The following CDH13 variants were observed in gnomAD, a reference collection of about 807,000 sequenced individuals.
CDH13 encodes the protein cadherin 13, also known as cadherin-13.
In CDH13, 24 loss-of-function variants were observed where a neutral mutation model predicts 63.8. The ratio of observed to expected loss-of-function variants is 0.38; its 90% CI spans 0.27 to 0.53. The LOEUF (loss-of-function observed/expected upper bound fraction) is 0.53. Ranked by LOEUF, CDH13 falls within the 20% of genes least tolerant of loss-of-function variation. The pLI is 0.85. For missense variants in CDH13, 1,049 were observed against 903.1 expected (o/e 1.16, Z -2.07); for synonymous variants, 503 against 355.3 (o/e 1.42, Z -4.67).
intron 1 of CDH13, among the ~76,000 whole-genome samples, chr16:82,696,190 C>A (rs1260104152): frequency 6.6e-6 from 1 of 152,142 alleles, no homozygotes; most frequent in African/African-American, 2.4e-5. Context: ...GTGATATAAA[C>A]ATACACAGAT....
In CDH13 at chr16:83,613,701, C is replaced by T. The variant is rs148444440; in HGVS notation, c.1101+11107C>T. Among the ~76,000 whole-genome samples, 838 of 152,106 alleles carry T rather than the reference C, an allele frequency of 5.5e-3. 11 individuals carry two copies. Among genetic ancestry groups the T allele is most frequent in the African/African-American group, 0.019 (775 of 41,484 alleles). On this transcript the variant is annotated intron_variant, in intron 8 of 13. Transcript: ENST00000567109. ...TACAAAAATTAGTCAGGCGTGGTGG[C>T]GCCCACCTGTAGTCTCAGCTGCCTT...
chr16:83,410,422 G>A (rs1195513693), intron 6 of CDH13, among the ~76,000 whole-genome samples: 1 of 152,062 alleles, frequency 6.6e-6, no homozygotes, highest in Non-Finnish European at 1.5e-5. Context: ...AATTCATGTT[G>A]CATTTCTAAG....
At chr16:83,349,742 A>C (rs1157698061) in intron 6 of CDH13, among the ~76,000 whole-genome samples, 2 of 152,096 alleles carry the variant, frequency 1.3e-5, no homozygotes, top group Non-Finnish European at 2.9e-5. Context: ...CTGGGATTAC[A>C]GACACCTGCC....
chr16:83,270,392 C>T (rs564146972), intron 5 of CDH13, among the ~76,000 whole-genome samples: 7 of 152,290 alleles, frequency 4.6e-5, no homozygotes, highest in South Asian at 2.1e-4. Flanking sequence ...CGAGGAAATA[C>T]GGTTTGTTTT....
chr16:82,975,264 C>T (rs1230986063), intron 2 of CDH13, among the ~76,000 whole-genome samples: 3 of 152,148 alleles, frequency 2.0e-5, no homozygotes, highest in Non-Finnish European at 4.4e-5. Flanking sequence ...GATAAGGCTC[C>T]CAAGGGGCTA....
At position 83,367,364 on chromosome 16, in the gene CDH13, G is replaced by A. The variant is rs146998120; in HGVS notation, c.781+22358G>A. On this transcript the variant is annotated intron_variant, in intron 6 of 13. Transcript: ENST00000567109. Reference sequence around the variant, plus strand: ...ATTATATTTTATTTTAAGTTTTTACGTTATATTTTATGACATTTATCCATT... The same window carrying A: ...ATTATATTTTATTTTAAGTTTTTACATTATATTTTATGACATTTATCCATT... Among the ~76,000 whole-genome samples, 737 of 152,096 alleles carry A rather than the reference G, an allele frequency of 4.8e-3. 10 individuals are homozygous for A. Among genetic ancestry groups the A allele is most frequent in the African/African-American group, 0.017 (702 of 41,496 alleles).
chr16:83,086,342 CTG>C (rs2151573424), intron 3 of CDH13, among the ~76,000 whole-genome samples: 1 of 152,288 alleles, frequency 6.6e-6, no homozygotes, highest in East Asian at 1.9e-4. Flanking sequence ...CATTTATAAG[CTG>C]TGTGTTTTTG....
At chr16:82,639,510 C>A in intron 1 of CDH13, 1 of 1,304,002 alleles carries the variant, frequency 7.7e-7, no homozygotes, top group Non-Finnish European at 1.1e-6. Flanking sequence ...TGGAATTCTT[C>A]CCTAGGGATG....
Position 82,938,529 on chromosome 16 carries a change from C to T in CDH13, c.157+80056C>T, listed in dbSNP as rs529940192. Among the ~76,000 whole-genome samples the T allele has an allele frequency of 2.0e-5, 3 of 152,256 alleles. No individual in the cohort carries two copies. The South Asian group carries it at 6.2e-4, about 32-fold the overall frequency. Reference sequence around the variant, plus strand: ...GAAACATGTCTCAGCATGGCACTGCCCAGCATCAGCAGGGGCCTTCTGAGA... The same window carrying T: ...GAAACATGTCTCAGCATGGCACTGCTCAGCATCAGCAGGGGCCTTCTGAGA... On this transcript the variant is annotated intron_variant, in intron 2 of 13. Coordinates refer to ENST00000567109, the MANE Select transcript of CDH13 (RefSeq NM_001257.5).
At chr16:82,846,407 A>T (rs2039258945) in intron 1 of CDH13, among the ~76,000 whole-genome samples, 1 of 152,080 alleles carries the variant, frequency 6.6e-6, no homozygotes, top group African/African-American at 2.4e-5. Flanking sequence ...AGCACATAAC[A>T]CCTACTGTGA....
At chr16:83,607,349 G>C (rs143289392) in intron 8 of CDH13, among the ~76,000 whole-genome samples, 81 of 152,152 alleles carry the variant, frequency 5.3e-4, no homozygotes, top group African/African-American at 1.9e-3. Context: ...GAACCAGGGA[G>C]TCAGAGGTTG....
Position 83,251,882 on chromosome 16 carries a change from G to C in CDH13, c.636+34385G>C, listed in dbSNP as rs542813700. Among the ~76,000 whole-genome samples the C allele has an allele frequency of 9.4e-4, 143 of 151,858 alleles. 1 individual carries two copies. Among genetic ancestry groups the C allele is most frequent in the African/African-American group, 3.2e-3 (134 of 41,422 alleles). On this transcript the variant is annotated intron_variant, in intron 5 of 13. Coordinates refer to ENST00000567109, the MANE Select transcript of CDH13 (RefSeq NM_001257.5). Reference sequence around the variant, plus strand: ...GGGAACATTCTTCTTCACACAAAGAGGCCTTCCCCTCACCAAGCTGAGCTT... The same window carrying C: ...GGGAACATTCTTCTTCACACAAAGACGCCTTCCCCTCACCAAGCTGAGCTT...
intron 8 of CDH13, among the ~76,000 whole-genome samples, chr16:83,637,226 G>A (rs1267760546): frequency 1.3e-5 from 2 of 151,082 alleles, no homozygotes; most frequent in African/African-American, 2.5e-5. Flanking sequence ...TATCAAAAAC[G>A]TCTAATAGAA....
chr16:83,257,094 A>G (rs1906388280), intron 5 of CDH13, among the ~76,000 whole-genome samples: 2 of 152,114 alleles, frequency 1.3e-5, no homozygotes, highest in South Asian at 4.1e-4. Context: ...ACAGGCACCT[A>G]GGAATACAGA....
intron 3 of CDH13, among the ~76,000 whole-genome samples, chr16:83,095,052 C>A (rs7190073): frequency 5.9e-4 from 90 of 151,934 alleles, no homozygotes; most frequent in Non-Finnish European, 1.1e-3. Context: ...TAGAAAAATC[C>A]CACTCTTCCT....
intron 1 of CDH13, among the ~76,000 whole-genome samples, chr16:82,853,603 C>T (rs905935704): frequency 2.6e-5 from 4 of 152,216 alleles, no homozygotes; most frequent in African/African-American, 4.8e-5. Context: ...TCACACTGAA[C>T]CAACGTGGCT....
At chr16:83,611,205 C>G (rs948449916) in intron 8 of CDH13, among the ~76,000 whole-genome samples, 1 of 152,084 alleles carries the variant, frequency 6.6e-6, no homozygotes, top group African/African-American at 2.4e-5. Flanking sequence ...GAGTTATATA[C>G]ATGTTGCAAT....
chr16:83,521,378 A>G (rs986493740), intron 7 of CDH13, among the ~76,000 whole-genome samples: 3 of 151,182 alleles, frequency 2.0e-5, no homozygotes, highest in Non-Finnish European at 4.4e-5. Context: ...CCAATAATGG[A>G]AAAAAAATTG....
chr16:83,680,081 A>G (rs10514592), intron 10 of CDH13, among the ~76,000 whole-genome samples: 21,362 of 152,236 alleles, frequency 0.14, 1,545 homozygotes, highest in African/African-American at 0.19. Context: ...TATGGATACT[A>G]TATACGATGG....
Sources: gnomAD v4.1 joint callset for allele counts (sites outside exome capture counted in the v4.1 genomes callset) on GRCh38, gnomAD v4.1.1 for gene constraint, MANE v1.5 for transcripts, NCBI Gene and HGNC (gene_info 2026-07-23, HGNC 2026-07-21) for gene names.